The following WDFY4 variants were observed in gnomAD, a reference collection of about 807,000 sequenced individuals.
WDFY4 encodes WDFY family member 4, also known as WD repeat- and FYVE domain-containing protein 4.
A neutral mutation model predicts 351.9 loss-of-function variants in WDFY4; 169 were observed. The ratio of observed to expected loss-of-function variants is 0.48; its 90% CI spans 0.42 to 0.55. The LOEUF (loss-of-function observed/expected upper bound fraction) is 0.55. WDFY4 is among the 20% of genes least tolerant of loss of function. The pLI is 0.00. For missense variants in WDFY4, 3,803 were observed against 3,935.6 expected, an observed-to-expected ratio of 0.97 and a Z score of 0.90; for synonymous variants, 1,622 against 1,574.6, an observed-to-expected ratio of 1.03 and a Z score of -0.71.
rs751039333 is a variant in WDFY4, at chr10:48,946,810, G to T, written c.7868-50G>T. The T allele has an allele frequency of 2.4e-5, 32 of 1,351,208 alleles. No individual in the cohort carries two copies. In the Admixed American group the frequency reaches 4.9e-4, roughly 21 times the overall value. 83.7% of individuals were successfully genotyped at this position (1,351,208 alleles called of 1,614,324 possible). A position where few individuals can be genotyped will look rare whatever the true frequency, so the allele number is the denominator to read the frequency against. ...ACAGTGTAGCACACATATCTGCCAC[G>T]TGTGAGTGCAGGTAAGGAAGCAGCC... is the stretch of plus-strand genomic sequence containing the variant. On this transcript the variant is annotated intron_variant, in intron 50 of 61. Coordinates refer to ENST00000325239, the MANE Select transcript of WDFY4 (RefSeq NM_001394531.1).
In WDFY4 at chr10:48,839,440, A is replaced by G. The variant is rs148238556; in HGVS notation, c.6663+6731A>G. Among the ~76,000 whole-genome samples the G allele has an allele frequency of 3.2e-3, 483 of 152,314 alleles. 4 individuals carry two copies. Among genetic ancestry groups the G allele is most frequent in the South Asian group, 7.7e-3 (37 of 4,828 alleles). Reference sequence around the variant, plus strand: ...GAAGGGTCTTCCCCAGGAGATGAATATGACTTTAAGAGAGGGATTTGGAGG... The same window carrying G: ...GAAGGGTCTTCCCCAGGAGATGAATGTGACTTTAAGAGAGGGATTTGGAGG... On this transcript the variant is annotated intron_variant, in intron 39 of 61. Transcript: ENST00000325239.
At chr10:48,820,768 G>C (rs976700634) in intron 33 of WDFY4, among the ~76,000 whole-genome samples, 22 of 152,138 alleles carry the variant, frequency 1.4e-4, no homozygotes, top group East Asian at 5.8e-4. Context: ...TGGCCCAAGG[G>C]GGGTTCTGGG....
At chr10:48,947,764 T>C (rs955051853) in intron 51 of WDFY4, among the ~76,000 whole-genome samples, 1 of 152,180 alleles carries the variant, frequency 6.6e-6, no homozygotes, top group Non-Finnish European at 1.5e-5. Context: ...GGCACAGCTT[T>C]TGAACGGGGA....
rs574516702 is a variant in WDFY4 at position 48,834,271 on chromosome 10, G to GA, written c.6663+1573dup. The stretch of plus-strand genomic sequence containing the variant: ...TTATAAAAATGTGGAAGCTGAATCT[G>GA]AAAAAAAAAAAGAAAGTTAAGGGCT... On this transcript the variant is annotated intron_variant, in intron 39 of 61. Transcript: ENST00000325239. 1.2e-3 allele frequency among the ~76,000 whole-genome samples: 185 copies of GA among 148,422 alleles called. 1 individual carries two copies. The highest frequency in any genetic ancestry group is 3.5e-3 in the Middle Eastern group (1 of 288).
intron 1 of WDFY4, among the ~76,000 whole-genome samples, chr10:48,695,613 T>C (rs1409628521): frequency 6.6e-6 from 1 of 152,214 alleles, no homozygotes; most frequent in Non-Finnish European, 1.5e-5. Context: ...GATGGTCACT[T>C]TTCCATGGCC....
chr10:48,702,274 C>A (rs1219485543), intron 1 of WDFY4, among the ~76,000 whole-genome samples: 1 of 152,112 alleles, frequency 6.6e-6, no homozygotes, highest in Non-Finnish European at 1.5e-5. Flanking sequence ...AGAACTGCTA[C>A]TAAATAGCAA....
At chr10:48,854,751 C>G (rs1450227435) in intron 39 of WDFY4, among the ~76,000 whole-genome samples, 29 of 152,176 alleles carry the variant, frequency 1.9e-4, no homozygotes, top group Admixed American at 1.9e-3. Context: ...GTTGGGCTGA[C>G]TGAACCTCCC....
Position 48,805,996 on chromosome 10 carries a change from G to T in WDFY4, c.4647-8G>T, listed in dbSNP as rs1415518305. Reference sequence around the variant, plus strand: ...TGCGAGCCTGTCCTTCTCTCCCTGTGTATAAAGGATTGGGCTGTTTGTTGT... The same window carrying T: ...TGCGAGCCTGTCCTTCTCTCCCTGTTTATAAAGGATTGGGCTGTTTGTTGT... On this transcript the variant is annotated splice_region_variant and splice_polypyrimidine_tract_variant and intron_variant, in intron 26 of 61. Coordinates refer to ENST00000325239, the MANE Select transcript of WDFY4 (RefSeq NM_001394531.1). The T allele has an allele frequency of 4.5e-6, 7 of 1,551,632 alleles. No individual in the cohort carries two copies. Among genetic ancestry groups the T allele is most frequent in the Non-Finnish European group, 6.1e-6 (7 of 1,146,928 alleles).
intron 10 of WDFY4, 65 bp from the exon 11 acceptor site, chr10:48,735,815 T>C (rs1190986940): frequency 1.7e-5 from 23 of 1,389,930 alleles, no homozygotes; most frequent in Non-Finnish European, 2.0e-5. Flanking sequence ...GCTTTTCTTT[T>C]GATTGAAACT....
chr10:48,798,745 T>C (rs537026521), intron 24 of WDFY4, among the ~76,000 whole-genome samples: 2 of 152,186 alleles, frequency 1.3e-5, no homozygotes, highest in Non-Finnish European at 2.9e-5. Context: ...TTTAACGAGC[T>C]AATCTTGATG....
rs1454894208 is a variant in WDFY4, at chr10:48,716,411, G to A, written c.235-3600G>A. On this transcript the variant is annotated intron_variant, in intron 2 of 61. Transcript: ENST00000325239. The stretch of plus-strand genomic sequence containing the variant: ...GACAGCCATGAGGCACGATGGTGCA[G>A]CTTAGATAATGTTAGCAAATAAAAG... 7.2e-5 allele frequency among the ~76,000 whole-genome samples: 11 copies of A among 152,320 alleles called. No homozygotes were observed. The East Asian group carries it at 2.1e-3, about 29-fold the overall frequency.
intron 39 of WDFY4, 141 bp downstream of exon 39, chr10:48,832,850 C>A (rs1049739935): frequency 1.2e-5 from 14 of 1,157,118 alleles, no homozygotes; most frequent in Non-Finnish European, 1.6e-5. Context: ...GCATGTAGCT[C>A]CCCAGTGGAG....
At chr10:48,948,089 C>G (rs1168366959) in intron 51 of WDFY4, among the ~76,000 whole-genome samples, 1 of 152,186 alleles carries the variant, frequency 6.6e-6, no homozygotes, top group Non-Finnish European at 1.5e-5. Flanking sequence ...ACTCTGAGCC[C>G]TGGGGCAGGA....
rs1453192898 is a variant in WDFY4 at position 48,897,539 on chromosome 10, A to G, written c.7402A>G (p.Met2468Val). The change falls in exon 45 of 62, where the codon ATG (methionine) becomes GTG (valine). Residue 2468 changes from methionine to valine, a missense_variant. Met to Val is a conservative substitution (Grantham distance 21). Around this residue, in one of 3 missense-constraint regions of WDFY4, gnomAD observed 3,054 missense variants for 3,148.6 expected, o/e 0.97. Transcript: ENST00000325239. ...YSCQCHSYADMRELRQARFLL... is the reference protein window; with the variant it reads ...YSCQCHSYADVRELRQARFLL... ...GTGCCAGTGCCACAGCTACGCTGACATGCGGGAGCTACGGCAGGCTCGCTT... is the reference window on the plus strand; with the variant it reads ...GTGCCAGTGCCACAGCTACGCTGACGTGCGGGAGCTACGGCAGGCTCGCTT... 1.9e-6 allele frequency: 3 copies of G among 1,550,610 alleles called. No homozygotes were observed. Among genetic ancestry groups the G allele is most frequent in the South Asian group, 2.4e-5 (2 of 84,060 alleles).
chr10:48,912,133 G>T (rs12766824), intron 47 of WDFY4, among the ~76,000 whole-genome samples: 20,119 of 152,214 alleles, frequency 0.13, 1,479 homozygotes, highest in Middle Eastern at 0.22. Context: ...TGGTACACAG[G>T]GAGGCCAGAG....
Position 48,696,936 on chromosome 10 carries a change from C to T in WDFY4, c.-18+11935C>T, listed in dbSNP as rs565939692. 7.9e-5 allele frequency among the ~76,000 whole-genome samples: 12 copies of T among 152,350 alleles called. No homozygotes were observed. In the East Asian group the frequency reaches 1.3e-3, roughly 17 times the overall value. The stretch of plus-strand genomic sequence containing the variant: ...ACATTGAGGTTGAGGGAGCCTGAGT[C>T]GCTAAGGTTACAGGTTAGGAAGAGA... On this transcript the variant is annotated intron_variant, in intron 1 of 61. Transcript: ENST00000325239.
At chr10:48,945,616 C>T (rs1398502850) in intron 49 of WDFY4, among the ~76,000 whole-genome samples, 1 of 152,216 alleles carries the variant, frequency 6.6e-6, no homozygotes, top group Non-Finnish European at 1.5e-5. Context: ...GAGCAAGTTC[C>T]TCTCATTTCC....
At chr10:48,733,860 C>T in intron 9 of WDFY4, 71 bp from the exon 10 acceptor site, 1 of 1,341,660 alleles carries the variant, frequency 7.5e-7, no homozygotes, top group South Asian at 1.3e-5. Flanking sequence ...GGATAGAAAG[C>T]TGGAGTCAGA....
intron 47 of WDFY4, among the ~76,000 whole-genome samples, chr10:48,903,365 G>C (rs570416584): frequency 6.6e-6 from 1 of 152,316 alleles, no homozygotes; most frequent in African/African-American, 2.4e-5. Flanking sequence ...CACTCTGGCT[G>C]CTGTGCCAAG....
Sources: gnomAD v4.1 joint callset for allele counts (sites outside exome capture counted in the v4.1 genomes callset) on GRCh38, gnomAD v4.1.1 for gene constraint, gnomAD v4.1.1 regional missense constraint, MANE v1.5 for transcripts, NCBI Gene and HGNC (gene_info 2026-07-23, HGNC 2026-07-21) for gene names.